KLHL10: variants seen among roughly 807,000 people sequenced by gnomAD.
The protein encoded by KLHL10 is kelch like family member 10, also known as kelch-like protein 10.
In KLHL10, 11 loss-of-function variants were observed where a neutral mutation model predicts 46.6. That is an observed-to-expected ratio of 0.24 (90% CI 0.15 to 0.39). KLHL10 has a LOEUF of 0.39. Ranked by LOEUF, KLHL10 falls within the 10% of genes least tolerant of loss-of-function variation. The pLI, the probability that KLHL10 is intolerant of heterozygous loss-of-function variation, is 1.00. For synonymous variants in KLHL10, 254 were observed against 279.1 expected, an observed-to-expected ratio of 0.91 and a Z score of 0.90; for missense variants, 475 against 789.8, an observed-to-expected ratio of 0.60 and a Z score of 4.78.
intron 1 of KLHL10, among the ~76,000 whole-genome samples, chr17:41,840,332 AT>A (rs1251633687): frequency 6.6e-6 from 1 of 152,074 alleles, no homozygotes; most frequent in Non-Finnish European, 1.5e-5. Context: ...TATTCTTTTG[AT>A]TTTTTCCCCC....
Position 41,847,250 on chromosome 17 carries a change from T to C in KLHL10, c.1303-11T>C, listed in dbSNP as rs782652264. The C allele has an allele frequency of 5.0e-6, 8 of 1,613,590 alleles. No individual in the cohort carries two copies. Among genetic ancestry groups the C allele is most frequent in the Non-Finnish European group, 5.1e-6 (6 of 1,179,636 alleles). The stretch of plus-strand genomic sequence containing the variant: ...GTGGGAATTTTAATAATCTTGGAAC[T>C]CTTCACACAGGTCTACATATGTGGT... On this transcript the variant is annotated splice_polypyrimidine_tract_variant and intron_variant, in intron 3 of 4. Transcript: ENST00000293303.
In KLHL10 at chr17:41,842,085, T is replaced by C; in HGVS notation, c.457T>C (p.Cys153Arg). Residue 153 changes from cysteine (C) to arginine (R), a missense_variant, in exon 2 of 5, where the codon TGT becomes CGT. Physicochemically the swap from Cys to Arg is radical, Grantham distance 180. Coordinates refer to ENST00000293303, the MANE Select transcript of KLHL10 (RefSeq NM_152467.5). ...GICKFTDYYY[C>R]PELRQKAYMF... Reference sequence around the variant, plus strand: ...CTGTAAGTTCACGGACTACTACTACTGTCCTGAGCTGAGGCAGAAGGCCTA... The same window carrying C: ...CTGTAAGTTCACGGACTACTACTACCGTCCTGAGCTGAGGCAGAAGGCCTA... 6.2e-7 allele frequency: 1 copy of C among 1,614,144 alleles called. No homozygotes were observed. The highest frequency in any genetic ancestry group is 8.5e-7 in the Non-Finnish European group (1 of 1,180,024).
Position 41,842,707 on chromosome 17 carries a change from A to C in KLHL10, c.684+395A>C, listed in dbSNP as rs1189452817. ...CTGTAATCCCAGCACTTTGGCCAAGATGGGCGGATTACCTGAGGTCAGGAG... is the reference window on the plus strand; with the variant it reads ...CTGTAATCCCAGCACTTTGGCCAAGCTGGGCGGATTACCTGAGGTCAGGAG... On this transcript the variant is annotated intron_variant, in intron 2 of 4. Coordinates refer to ENST00000293303, the MANE Select transcript of KLHL10 (RefSeq NM_152467.5). 2.0e-5 allele frequency among the ~76,000 whole-genome samples: 3 copies of C among 152,134 alleles called. No individual in the cohort carries two copies. The South Asian group carries it at 6.2e-4, about 32-fold the overall frequency.
At chr17:41,836,160 C>T (rs2144114388), upstream of KLHL10, 1 of 1,300,364 alleles carries the variant, frequency 7.7e-7, no homozygotes. Context: ...CGCCCCACTC[C>T]GGACGCTTCC....
intron 2 of KLHL10, 49 bp from the exon 3 acceptor site, chr17:41,845,077 T>C: frequency 6.2e-7 from 1 of 1,613,358 alleles, no homozygotes; most frequent in Non-Finnish European, 8.5e-7. Context: ...ATGTGGGATT[T>C]CCTGGCACTC....
At chr17:41,837,565 TC>T, upstream of KLHL10, 1 of 1,078,396 alleles carries the variant, frequency 9.3e-7, no homozygotes, top group Non-Finnish European at 1.1e-6. Flanking sequence ...AGATGAATGC[TC>T]CAGGGATAGA....
upstream of KLHL10, chr17:41,836,185 C>T: frequency 5.5e-6 from 7 of 1,261,750 alleles, no homozygotes; most frequent in Non-Finnish European, 7.0e-6. Flanking sequence ...TCCTCACCTC[C>T]TCTGCCATCC....
At chr17:41,835,705 G>T, upstream of KLHL10, 1 of 826,980 alleles carries the variant, frequency 1.2e-6, no homozygotes. Flanking sequence ...TTTTAGGACA[G>T]GCGAACCAAC....
At chr17:41,836,267 C>G, upstream of KLHL10, 3 of 1,144,766 alleles carry the variant, frequency 2.6e-6, no homozygotes, top group Admixed American at 9.0e-5. Context: ...CGTCGCCTCC[C>G]GCCTGGAGCC....
Position 41,841,803 on chromosome 17 carries a change from A to G in KLHL10, c.195-20A>G. The G allele has an allele frequency of 6.2e-7, 1 of 1,614,094 alleles. No individual in the cohort carries two copies. The highest frequency in any genetic ancestry group is 8.5e-7 in the Non-Finnish European group (1 of 1,180,010). On this transcript the variant is annotated intron_variant, in intron 1 of 4. Coordinates refer to ENST00000293303, the MANE Select transcript of KLHL10 (RefSeq NM_152467.5). ...GGAGAGAAATGTTTCCGTGGCTGCT[A>G]GTTTCTTTCTTTTTTCCAGAGCTTT...
intron 4 of KLHL10, 35 bp from the exon 5 acceptor site, chr17:41,847,898 T>C: frequency 6.2e-7 from 1 of 1,612,964 alleles, no homozygotes; most frequent in Non-Finnish European, 8.5e-7. Context: ...GAATCAATGG[T>C]TAGCAGTCAA....
upstream of KLHL10, chr17:41,837,542 G>C: frequency 9.6e-7 from 1 of 1,038,126 alleles, no homozygotes; most frequent in Non-Finnish European, 1.2e-6. Flanking sequence ...CCAAGTGTTG[G>C]GCTGTGGAAG....
intron 2 of KLHL10, among the ~76,000 whole-genome samples, chr17:41,843,837 C>G (rs1364012133): frequency 6.6e-6 from 1 of 152,098 alleles, no homozygotes; most frequent in Non-Finnish European, 1.5e-5. Flanking sequence ...TCGCGGCTCA[C>G]TGCAACCTCT....
chr17:41,845,469 T>C lies in KLHL10; in HGVS notation c.1028T>C (p.Ile343Thr). The change falls in exon 3 of 5, where the codon ATC (isoleucine) becomes ACC (threonine). Residue 343 changes from isoleucine to threonine, a missense_variant. Ile to Thr is a moderately conservative substitution (Grantham distance 89, BLOSUM62 -1). Transcript: ENST00000293303. ...GCCTATTTGAAAGGCTATGTGTATA[T>C]CATTGGGGGGTTTGATAGTGTAGAC... is the stretch of plus-strand genomic sequence containing the variant. ...GAAYLKGYVY[I>T]IGGFDSVDYF... 6.2e-7 allele frequency: 1 copy of C among 1,614,182 alleles called. No individual in the cohort carries two copies.
rs782280547 is a variant in KLHL10 at position 41,837,901 on chromosome 17, A to G, written c.-32A>G. 1 of 1,612,436 alleles carries G rather than the reference A, an allele frequency of 6.2e-7. No homozygotes were observed. The highest frequency in any genetic ancestry group is 1.1e-5 in the South Asian group (1 of 91,002). ...CCACAACCCTCCCCGACACCCTAGGAAAGCAGCCTCTCTCCGCTGTCCCAG... is the reference window on the plus strand; with the variant it reads ...CCACAACCCTCCCCGACACCCTAGGGAAGCAGCCTCTCTCCGCTGTCCCAG... On this transcript the variant is annotated 5_prime_UTR_variant, in exon 1 of 5. Transcript: ENST00000293303.
At chr17:41,837,608 A>G, upstream of KLHL10, 1 of 1,107,166 alleles carries the variant, frequency 9.0e-7, no homozygotes, top group Non-Finnish European at 1.1e-6. Context: ...AGGAGCTGGA[A>G]TCAATAAACA....
At position 41,848,158 on chromosome 17, in the gene KLHL10, A is replaced by G; in HGVS notation, c.1678A>G (p.Met560Val). ...KTDEWYDAHD[M>V]SIYRSALSCC... Reference sequence around the variant, plus strand: ...CGATGAGTGGTATGATGCTCATGACATGAGTATATACCGCAGTGCTCTGAG... The same window carrying G: ...CGATGAGTGGTATGATGCTCATGACGTGAGTATATACCGCAGTGCTCTGAG... Residue 560 changes from methionine (M) to valine (V), a missense_variant, in exon 5 of 5, where the codon ATG (methionine) becomes GTG (valine). Physicochemically the swap from Met to Val is conservative, Grantham distance 21. Coordinates refer to ENST00000293303, the MANE Select transcript of KLHL10 (RefSeq NM_152467.5). The G allele has an allele frequency of 6.2e-7, 1 of 1,614,170 alleles. No individual in the cohort carries two copies. The highest frequency in any genetic ancestry group is 1.1e-5 in the South Asian group (1 of 91,074).
chr17:41,843,079 T>A (rs1189915653), intron 2 of KLHL10, among the ~76,000 whole-genome samples: 1 of 150,192 alleles, frequency 6.7e-6, no homozygotes, highest in Non-Finnish European at 1.5e-5. Context: ...TGTGCTGTGA[T>A]CACCTCACTG....
intron 2 of KLHL10, 114 bp downstream of exon 2, chr17:41,842,426 C>G: frequency 7.6e-7 from 1 of 1,314,702 alleles, no homozygotes; most frequent in Non-Finnish European, 1.1e-6. Flanking sequence ...AAGGCATCTA[C>G]TATTCTCTGG....
Sources: gnomAD v4.1 joint callset for allele counts (sites outside exome capture counted in the v4.1 genomes callset) on GRCh38, gnomAD v4.1.1 for gene constraint, MANE v1.5 for transcripts, NCBI Gene and HGNC (gene_info 2026-07-23, HGNC 2026-07-21) for gene names.